EPB41L4A: variants seen among roughly 807,000 people sequenced by gnomAD.
The protein encoded by EPB41L4A is erythrocyte membrane protein band 4.1 like 4A.
Under a neutral mutation model 108.6 loss-of-function variants are expected in EPB41L4A, and 100 were observed. That is an observed-to-expected ratio of 0.92 (90% CI 0.78 to 1.09). The LOEUF (loss-of-function observed/expected upper bound fraction) is 1.09. Among genes scored for constraint, EPB41L4A ranks in the 50% least tolerant of loss-of-function variants. EPB41L4A has a pLI of 0.00. For synonymous variants in EPB41L4A, 319 were observed against 289.0 expected (o/e 1.10, Z -1.05); for missense variants, 1,030 against 842.7 (o/e 1.22, Z -2.75).
At chr5:112,355,491 T>C (rs1448688447) in intron 1 of EPB41L4A, among the ~76,000 whole-genome samples, 2 of 152,176 alleles carry the variant, frequency 1.3e-5, no homozygotes, top group East Asian at 1.9e-4. Context: ...GCTAAATGTG[T>C]TTATCTATCA....
In EPB41L4A at chr5:112,259,245, C is replaced by A. The variant is rs760834375; in HGVS notation, c.779G>T (p.Arg260Ile). 6.2e-7 allele frequency: 1 copy of A among 1,613,860 alleles called. No individual in the cohort carries two copies. The highest frequency in any genetic ancestry group is 8.5e-7 in the Non-Finnish European group (1 of 1,179,744). Reference protein sequence around the residue: ...VHFKETQFELRVLGKDCNETS... With the variant: ...VHFKETQFELIVLGKDCNETS... ...GAAACTTACATCTTTTCCCAGTACT[C>A]TGAGTTCAAATTGAGTCTCCTTGAA... is the stretch of plus-strand genomic sequence containing the variant. Residue 260 changes from arginine to isoleucine, a missense_variant, in exon 9 of 23, where the codon AGA becomes ATA. By Grantham distance (97) the Arg-to-Ile change is moderately conservative. Transcript: ENST00000261486.
intron 5 of EPB41L4A, 148 bp from the exon 6 acceptor site, chr5:112,265,164 A>G: frequency 1.4e-6 from 1 of 697,352 alleles, no homozygotes; most frequent in South Asian, 2.8e-5. Context: ...TTACTAAAAC[A>G]AATCTGATGA....
At chr5:112,370,021 G>A (rs1206390379) in intron 1 of EPB41L4A, among the ~76,000 whole-genome samples, 1 of 152,032 alleles carries the variant, frequency 6.6e-6, no homozygotes, top group Non-Finnish European at 1.5e-5. Context: ...CTTCCAAAAA[G>A]TACTCAGTTG....
chr5:112,296,735 T>C (rs189366435), intron 2 of EPB41L4A, among the ~76,000 whole-genome samples: 2 of 152,310 alleles, frequency 1.3e-5, no homozygotes, highest in East Asian at 3.9e-4. Flanking sequence ...AGCCAATTTG[T>C]AGTCTTTTAT....
At chr5:112,206,110 T>C (rs1007785495) in intron 13 of EPB41L4A, 3 of 152,330 alleles carry the variant, frequency 2.0e-5, no homozygotes, top group Non-Finnish European at 2.9e-5. Flanking sequence ...CCTCAACAAA[T>C]TGTTTTAGAA....
chr5:112,216,480 T>G lies in EPB41L4A; in HGVS notation c.1088-6498A>C, dbSNP rs184245971. Among the ~76,000 whole-genome samples, 17 of 152,244 alleles carry G rather than the reference T, an allele frequency of 1.1e-4. No homozygotes were observed. The East Asian group carries it at 3.3e-3, about 29-fold the overall frequency. ...ACCTTATTCTGATATGTGGGGAAAA[T>G]AACATACAGCTAAACAAGTAAAACA... On this transcript the variant is annotated intron_variant, in intron 12 of 22. Transcript: ENST00000261486.
intron 5 of EPB41L4A, 115 bp downstream of exon 5, chr5:112,266,117 TC>T: frequency 1.4e-6 from 1 of 740,064 alleles, no homozygotes; most frequent in South Asian, 2.1e-5. Flanking sequence ...AAATTCAATT[TC>T]TTTTTTTTGC....
intron 9 of EPB41L4A, chr5:112,250,683 C>T (rs1482577871): frequency 6.6e-6 from 1 of 152,122 alleles, no homozygotes; most frequent in East Asian, 1.9e-4. Context: ...ACAAAACACA[C>T]CAGTAAGTGA....
chr5:112,269,120 A>C (rs1269541041), intron 4 of EPB41L4A, among the ~76,000 whole-genome samples: 4 of 152,150 alleles, frequency 2.6e-5, no homozygotes, highest in Non-Finnish European at 4.4e-5. Flanking sequence ...TGCAAGTTGG[A>C]TACATGGATA....
intron 1 of EPB41L4A, among the ~76,000 whole-genome samples, chr5:112,340,321 C>T (rs1340944648): frequency 6.6e-6 from 1 of 152,172 alleles, no homozygotes; most frequent in East Asian, 1.9e-4. Context: ...CTGCTAGGCT[C>T]CACCCCCGGA....
At chr5:112,294,772 A>G (rs1753885911) in intron 2 of EPB41L4A, among the ~76,000 whole-genome samples, 1 of 151,950 alleles carries the variant, frequency 6.6e-6, no homozygotes, top group Admixed American at 6.6e-5. Flanking sequence ...TTGGGTGGGG[A>G]ACTGAAAAGT....
At chr5:112,296,990 TACACACAC>T (rs10542487) in intron 2 of EPB41L4A, among the ~76,000 whole-genome samples, 21 of 148,880 alleles carry the variant, frequency 1.4e-4, no homozygotes, top group Admixed American at 1.0e-3. Context: ...TATACATACA[TACACACAC>T]ACACACACAC....
intron 1 of EPB41L4A, among the ~76,000 whole-genome samples, chr5:112,407,581 A>G (rs1053120947): frequency 6.6e-6 from 1 of 152,208 alleles, no homozygotes; most frequent in Non-Finnish European, 1.5e-5. Context: ...GTATATTTAA[A>G]TGACATTAAC....
At chr5:112,172,398 ACTG>A (rs1055959783) in intron 18 of EPB41L4A, among the ~76,000 whole-genome samples, 6 of 151,822 alleles carry the variant, frequency 4.0e-5, no homozygotes, top group Non-Finnish European at 8.8e-5. Flanking sequence ...TGTAATTCCA[ACTG>A]CTTAGGAGGT....
chr5:112,188,800 C>A (rs1487264298), intron 17 of EPB41L4A, among the ~76,000 whole-genome samples: 3 of 152,142 alleles, frequency 2.0e-5, no homozygotes, highest in Admixed American at 1.3e-4. Flanking sequence ...GGAAGAAATG[C>A]CCATCAGTTT....
rs146784623 is a variant in EPB41L4A at position 112,416,929 on chromosome 5, GC to G, written c.99+2011del. ...GTTTAACACATACACTTTTAAGGTA[GC>G]ATAGAAGATAATGTGATTAGCTTTA... On this transcript the variant is annotated intron_variant, in intron 1 of 22. Transcript: ENST00000261486. 5.8e-3 allele frequency among the ~76,000 whole-genome samples: 889 copies of G among 152,308 alleles called. 10 individuals carry two copies. The highest frequency in any genetic ancestry group is 0.02 in the African/African-American group (844 of 41,580).
intron 1 of EPB41L4A, among the ~76,000 whole-genome samples, chr5:112,399,781 A>G (rs1228470024): frequency 6.6e-6 from 1 of 152,190 alleles, no homozygotes; most frequent in Non-Finnish European, 1.5e-5. Context: ...ACTGTATGCA[A>G]GCTGATACTC....
intron 1 of EPB41L4A, among the ~76,000 whole-genome samples, chr5:112,317,038 A>C (rs1332022374): frequency 6.6e-6 from 1 of 152,226 alleles, no homozygotes; most frequent in East Asian, 1.9e-4. Context: ...TGATCAAAGC[A>C]AGTCACTGAG....
At chr5:112,219,158 G>C (rs1747864319) in intron 12 of EPB41L4A, among the ~76,000 whole-genome samples, 1 of 152,122 alleles carries the variant, frequency 6.6e-6, no homozygotes, top group African/African-American at 2.4e-5. Context: ...GTTTGGCTGT[G>C]TCCCCAACTC....
Sources: gnomAD v4.1 joint callset for allele counts (sites outside exome capture counted in the v4.1 genomes callset) on GRCh38, gnomAD v4.1.1 for gene constraint, MANE v1.5 for transcripts, NCBI Gene and HGNC (gene_info 2026-07-23, HGNC 2026-07-21) for gene names.